CDK5RAP2: variants seen among roughly 807,000 people sequenced by gnomAD.
The protein encoded by CDK5RAP2 is CDK5 regulatory subunit associated protein 2.
In CDK5RAP2, 147 loss-of-function variants were observed where a neutral mutation model predicts 232.9. The ratio of observed to expected loss-of-function variants is 0.63; its 90% CI spans 0.55 to 0.72. The LOEUF is 0.72. Ranked by LOEUF, CDK5RAP2 falls within the 30% of genes least tolerant of loss-of-function variation. CDK5RAP2 has a pLI of 0.00. For missense variants in CDK5RAP2, 2,195 were observed against 2,231.5 expected, an observed-to-expected ratio of 0.98 and a Z score of 0.33; for synonymous variants, 833 against 833.7, an observed-to-expected ratio of 1.00 and a Z score of 0.01.
intron 4 of CDK5RAP2, 65 bp downstream of exon 4, chr9:120,550,727 A>T (rs2042012607): frequency 1.1e-6 from 1 of 938,530 alleles, no homozygotes; most frequent in African/African-American, 1.6e-5. Flanking sequence ...ATATTAATCA[A>T]ATTTCTGCTT....
At chr9:120,470,365 A>AG (rs1433394817) in intron 16 of CDK5RAP2, 145 bp from the exon 17 acceptor site, 3 of 557,016 alleles carry the variant, frequency 5.4e-6, no homozygotes, top group Non-Finnish European at 9.6e-6. Context: ...TAGTACACAG[A>AG]GGGGGCTTAA....
At chr9:120,476,304 G>C (rs531482881) in intron 15 of CDK5RAP2, among the ~76,000 whole-genome samples, 9 of 151,704 alleles carry the variant, frequency 5.9e-5, no homozygotes, top group Non-Finnish European at 1.3e-4. Flanking sequence ...GGCCAATCTT[G>C]TTCTTTTGAT....
chr9:120,437,582 G>C (rs1178258361), intron 24 of CDK5RAP2, 55 bp from the exon 25 acceptor site: 5 of 1,281,832 alleles, frequency 3.9e-6, no homozygotes, highest in Non-Finnish European at 4.6e-6. Flanking sequence ...GAATTTTTGT[G>C]ACCTTAACAC....
intron 12 of CDK5RAP2, among the ~76,000 whole-genome samples, chr9:120,513,958 C>T (rs1375104202): frequency 4.6e-5 from 7 of 152,318 alleles, no homozygotes; most frequent in Non-Finnish European, 8.8e-5. Context: ...TACATTTATC[C>T]TAGCACCATA....
intron 15 of CDK5RAP2, among the ~76,000 whole-genome samples, chr9:120,473,950 G>C (rs562906369): frequency 2.4e-4 from 36 of 152,246 alleles, no homozygotes; most frequent in South Asian, 4.1e-4. Context: ...GAGAACAAAA[G>C]GTGCTTCACT....
chr9:120,550,996 AC>A, intron 3 of CDK5RAP2, 94 bp from the exon 4 acceptor site: 1 of 775,874 alleles, frequency 1.3e-6, no homozygotes. Context: ...TTACGAGGCT[AC>A]AAAACTGATT....
At chr9:120,400,995 G>C (rs1316047143) in intron 34 of CDK5RAP2, 110 bp from the exon 35 acceptor site, 1 of 1,218,860 alleles carries the variant, frequency 8.2e-7, no homozygotes, top group East Asian at 2.5e-5. Context: ...TGTTTCACAC[G>C]CTGAGCGAAA....
intron 36 of CDK5RAP2, among the ~76,000 whole-genome samples, chr9:120,394,226 C>G (rs1461256183): frequency 6.6e-6 from 1 of 152,196 alleles, no homozygotes; most frequent in East Asian, 1.9e-4. Context: ...GACGGCCACC[C>G]AACTCCCACC....
At chr9:120,442,321 G>A (rs2035945637) in intron 23 of CDK5RAP2, among the ~76,000 whole-genome samples, 1 of 152,212 alleles carries the variant, frequency 6.6e-6, no homozygotes, top group Non-Finnish European at 1.5e-5. Context: ...CGCGGTGCAT[G>A]AGCAAAGAGA....
chr9:120,543,414 C>A (rs2041718207), intron 5 of CDK5RAP2, among the ~76,000 whole-genome samples: 1 of 152,210 alleles, frequency 6.6e-6, no homozygotes, highest in African/African-American at 2.4e-5. Context: ...GTCTAGACTT[C>A]TCATATTCCC....
intron 14 of CDK5RAP2, among the ~76,000 whole-genome samples, chr9:120,478,984 A>G (rs2038166837): frequency 6.6e-6 from 1 of 152,194 alleles, no homozygotes; most frequent in Non-Finnish European, 1.5e-5. Flanking sequence ...TTAATTTGTC[A>G]ATTATAACTC....
In CDK5RAP2 at chr9:120,487,323, G is replaced by C; in HGVS notation, c.1597C>G (p.Pro533Ala). ...LITEKCSSQQ[P>A]PGSKTIFSKE... is the part of the protein sequence containing the mutation. Reference sequence around the variant, plus strand: ...GAGAAGATGGTTTTGCTGCCTGGTGGCTGTTGAGAAGAGCACTTTTCTGTT... The same window carrying C: ...GAGAAGATGGTTTTGCTGCCTGGTGCCTGTTGAGAAGAGCACTTTTCTGTT... The change falls in exon 14 of 38, where the codon CCA becomes GCA. Residue 533 changes from proline (P) to alanine (A), a missense_variant. Transcript: ENST00000349780. 1 of 1,614,072 alleles carries C rather than the reference G, an allele frequency of 6.2e-7. No individual in the cohort carries two copies. Among genetic ancestry groups the C allele is most frequent in the East Asian group, 2.2e-5 (1 of 44,854 alleles).
intron 26 of CDK5RAP2, among the ~76,000 whole-genome samples, chr9:120,420,469 TGA>T (rs1456267019): frequency 6.6e-6 from 1 of 152,130 alleles, no homozygotes; most frequent in Non-Finnish European, 1.5e-5. Flanking sequence ...CCCAAAACCA[TGA>T]GATGGCCTAT....
chr9:120,572,107 C>A, intron 1 of CDK5RAP2, 66 bp from the exon 2 acceptor site: 1 of 1,208,638 alleles, frequency 8.3e-7, no homozygotes, highest in South Asian at 1.2e-5. Flanking sequence ...TTAAGACGGT[C>A]TGGACTGCAC....
chr9:120,497,959 C>A (rs1381302027), intron 12 of CDK5RAP2, among the ~76,000 whole-genome samples: 1 of 152,214 alleles, frequency 6.6e-6, no homozygotes, highest in African/African-American at 2.4e-5. Context: ...GGGCTCAAGG[C>A]ATAAAATCCC....
intron 21 of CDK5RAP2, among the ~76,000 whole-genome samples, chr9:120,448,677 T>C (rs1245458613): frequency 6.6e-6 from 1 of 152,196 alleles, no homozygotes; most frequent in Non-Finnish European, 1.5e-5. Flanking sequence ...CCGCTGCAAA[T>C]CTACGCCACT....
chr9:120,415,130 G>C lies in CDK5RAP2; in HGVS notation c.4207C>G (p.Arg1403Gly), dbSNP rs754282058. The change falls in exon 28 of 38, where the codon CGA becomes GGA. Residue 1403 changes from arginine (R) to glycine (G), a missense_variant. Arg to Gly is a moderately radical substitution (Grantham distance 125). Transcript: ENST00000349780. ...TCTTCTAAACGCTTTCTCAAAGTTC[G>C]AATTTCCTGTATGTGTTCCATTAGT... ...DLLMEHIQEI[R>G]TLRKRLEESI... The C allele has an allele frequency of 5.6e-6, 9 of 1,613,942 alleles. No homozygotes were observed. Among genetic ancestry groups the C allele is most frequent in the South Asian group, 1.1e-5 (1 of 91,078 alleles).
At chr9:120,557,518 G>A (rs900855947) in intron 3 of CDK5RAP2, among the ~76,000 whole-genome samples, 2 of 152,128 alleles carry the variant, frequency 1.3e-5, no homozygotes, top group African/African-American at 2.4e-5. Flanking sequence ...CACTTTGGTA[G>A]GCAGAGCCAG....
intron 27 of CDK5RAP2, among the ~76,000 whole-genome samples, chr9:120,419,084 C>A (rs1257080177): frequency 6.6e-6 from 1 of 152,058 alleles, no homozygotes; most frequent in Non-Finnish European, 1.5e-5. Flanking sequence ...GAGATCAGTG[C>A]CCTCATAAAA....
Sources: gnomAD v4.1 joint callset for allele counts (sites outside exome capture counted in the v4.1 genomes callset) on GRCh38, gnomAD v4.1.1 for gene constraint, MANE v1.5 for transcripts, NCBI Gene and HGNC (gene_info 2026-07-23, HGNC 2026-07-21) for gene names.